EFNA3: variants seen among roughly 807,000 people sequenced by gnomAD.
EFNA3 encodes the protein ephrin-A3.
In EFNA3, 15 loss-of-function variants were observed where a neutral mutation model predicts 25.0. The ratio of observed to expected loss-of-function variants is 0.60; its 90% CI spans 0.40 to 0.92. The LOEUF (loss-of-function observed/expected upper bound fraction) is 0.92, where lower values mean the gene tolerates loss of function less well. EFNA3 is among the 40% of genes least tolerant of loss of function. The pLI is 0.00. For missense variants in EFNA3, 298 were observed against 323.8 expected (o/e 0.92, Z 0.61); for synonymous variants, 153 against 145.6 (o/e 1.05, Z -0.37).
Position 155,081,501 on chromosome 1 carries a change from A to G in EFNA3, c.128+2432A>G, listed in dbSNP as rs4845707. ...TTTCTATATAGCTGTCTCTCGACCT[A>G]TCTCTGAAATGCTTCTGTTGCTGAT... On this transcript the variant is annotated intron_variant, in intron 1 of 4. Coordinates refer to ENST00000368408, the MANE Select transcript of EFNA3 (RefSeq NM_004952.5). This position sits in a 1 kb window ranked among gnomAD's most constrained non-coding sequence, Gnocchi z 5.2. Among the ~76,000 whole-genome samples the G allele has an allele frequency of 0.027, 4,138 of 152,304 alleles. 399 individuals are homozygous for G. The highest frequency in any genetic ancestry group is 0.27 in the East Asian group (1,398 of 5,172).
Position 155,085,032 on chromosome 1 carries a change from A to C in EFNA3, c.129-59A>C, listed in dbSNP as rs1663423818. 6.3e-7 allele frequency: 1 copy of C among 1,578,562 alleles called. No homozygotes were observed. The highest frequency in any genetic ancestry group is 1.8e-5 in the Admixed American group (1 of 54,568). On this transcript the variant is annotated intron_variant, in intron 1 of 4. Coordinates refer to ENST00000368408, the MANE Select transcript of EFNA3 (RefSeq NM_004952.5). The surrounding 1 kb of genome is among the most constrained non-coding windows in gnomAD (Gnocchi z 4.4). The stretch of plus-strand genomic sequence containing the variant: ...TGGGGAGGGGCTGCGGAGCGGTCAG[A>C]TGGAAAGCGGCTTTGCTCTGGGGTT...
At position 155,086,911 on chromosome 1, in the gene EFNA3, C is replaced by T; in HGVS notation, c.*368C>T. On this transcript the variant is annotated 3_prime_UTR_variant, in exon 5 of 5. Transcript: ENST00000368408. ...ACATATGCCCCCAGAGAGAGCAAATCGAAGCGTGGGAGGCACCCCCATTGC... is the reference window on the plus strand; with the variant it reads ...ACATATGCCCCCAGAGAGAGCAAATTGAAGCGTGGGAGGCACCCCCATTGC... 5.2e-6 allele frequency: 1 copy of T among 191,414 alleles called. No individual in the cohort carries two copies. Among genetic ancestry groups the T allele is most frequent in the South Asian group, 9.4e-5 (1 of 10,648 alleles). The allele number at this position is 191,414 out of a possible 1,614,324, so 11.9% of individuals were successfully genotyped here.
rs1433129921 is a variant in EFNA3 at position 155,081,929 on chromosome 1, T to TCGCCGC, written c.128+2873_128+2878dup. The stretch of plus-strand genomic sequence containing the variant: ...TCCGCCGCTGCAGATCAATAAACCT[T>TCGCCGC]CGCCGCCGCCGCCGCCGCTGTCGCA... On this transcript the variant is annotated intron_variant, in intron 1 of 4. Transcript: ENST00000368408. The surrounding 1 kb of genome is among the most constrained non-coding windows in gnomAD (Gnocchi z 5.2). Among the ~76,000 whole-genome samples, 4 of 152,060 alleles carry TCGCCGC rather than the reference T, an allele frequency of 2.6e-5. No individual in the cohort carries two copies. Among genetic ancestry groups the TCGCCGC allele is most frequent in the African/African-American group, 7.2e-5 (3 of 41,426 alleles).
At chr1:155,082,742 C>G (rs557817242) in intron 1 of EFNA3, among the ~76,000 whole-genome samples, 8 of 151,138 alleles carry the variant, frequency 5.3e-5, no homozygotes, top group Admixed American at 5.3e-4. Context: ...CCCCACCCTT[C>G]CGCAGGAGGC....
chr1:155,080,538 GC>G lies in EFNA3; in HGVS notation c.128+1475del, dbSNP rs1433060163. On this transcript the variant is annotated intron_variant, in intron 1 of 4. Coordinates refer to ENST00000368408, the MANE Select transcript of EFNA3 (RefSeq NM_004952.5). The surrounding 1 kb of genome is among the most constrained non-coding windows in gnomAD (Gnocchi z 7.0). Reference sequence around the variant, plus strand: ...CCCCCTCCCCCAGACTCACACGTCCGCCCCCCACCCCGCTAGAGTCTGGCGG... The same window carrying G: ...CCCCCTCCCCCAGACTCACACGTCCGCCCCCACCCCGCTAGAGTCTGGCGG... Among the ~76,000 whole-genome samples the G allele has an allele frequency of 6.6e-6, 1 of 152,100 alleles. No homozygotes were observed. The highest frequency in any genetic ancestry group is 2.4e-5 in the African/African-American group (1 of 41,446).
chr1:155,086,560 G>GC lies in EFNA3; in HGVS notation c.*17_*18insC, dbSNP rs769269146. The GC allele has an allele frequency of 1.9e-6, 3 of 1,559,704 alleles. No individual in the cohort carries two copies. Among genetic ancestry groups the GC allele is most frequent in the Admixed American group, 1.8e-5 (1 of 56,730 alleles). ...GCCTCCTAGCTCTGCCCCCTCCCCT[G>GC]GGGGGGGAGAGATGGGGCGGGGCTT... On this transcript the variant is annotated 3_prime_UTR_variant, in exon 5 of 5. Transcript: ENST00000368408.
chr1:155,079,161 A>G lies in EFNA3; in HGVS notation c.128+92A>G. ...AAGTCCTGGGGGATCCCGGGGTGGG[A>G]GTCCTGGGAGACCAGAGCTGGGGGC... On this transcript the variant is annotated intron_variant, in intron 1 of 4. Transcript: ENST00000368408. The surrounding 1 kb of genome is among the most constrained non-coding windows in gnomAD (Gnocchi z 7.7). The G allele has an allele frequency of 1.7e-6, 2 of 1,152,324 alleles. No homozygotes were observed. Among genetic ancestry groups the G allele is most frequent in the Non-Finnish European group, 2.2e-6 (2 of 916,226 alleles). 71.4% of individuals were successfully genotyped at this position (1,152,324 alleles called of 1,614,324 possible).
Position 155,081,755 on chromosome 1 carries a change from C to A in EFNA3, c.128+2686C>A, listed in dbSNP as rs1663346237. The stretch of plus-strand genomic sequence containing the variant: ...CTCTCGGTTCTCGTTCTCTTCCCTG[C>A]CTCTCTCGGTTTCTGCGTCTCTCTC... On this transcript the variant is annotated intron_variant, in intron 1 of 4. Coordinates refer to ENST00000368408, the MANE Select transcript of EFNA3 (RefSeq NM_004952.5). The surrounding 1 kb of genome is among the most constrained non-coding windows in gnomAD (Gnocchi z 5.2). Among the ~76,000 whole-genome samples the A allele has an allele frequency of 6.6e-6, 1 of 152,188 alleles. No homozygotes were observed. The highest frequency in any genetic ancestry group is 2.1e-4 in the South Asian group (1 of 4,826).
intron 1 of EFNA3, among the ~76,000 whole-genome samples, chr1:155,082,936 G>A (rs1391612010): frequency 6.6e-6 from 1 of 152,190 alleles, no homozygotes; most frequent in Non-Finnish European, 1.5e-5. Context: ...GTTTGTCCCC[G>A]TGCCCTCTGT....
intron 1 of EFNA3, among the ~76,000 whole-genome samples, chr1:155,083,675 G>A (rs2102452751): frequency 6.6e-6 from 1 of 152,276 alleles, no homozygotes; most frequent in East Asian, 1.9e-4. Context: ...AGGGGGGAGG[G>A]ACCCCCAAGG....
chr1:155,079,191 AG>A lies in EFNA3; in HGVS notation c.128+126del. 1.2e-6 allele frequency: 1 copy of A among 845,980 alleles called. No individual in the cohort carries two copies. The highest frequency in any genetic ancestry group is 1.5e-6 in the Non-Finnish European group (1 of 659,650). 52.4% of individuals were successfully genotyped at this position (845,980 alleles called of 1,614,324 possible). A position where few individuals can be genotyped will look rare whatever the true frequency, so the allele number is the denominator to read the frequency against. On this transcript the variant is annotated intron_variant, in intron 1 of 4. Transcript: ENST00000368408. This position sits in a 1 kb window ranked among gnomAD's most constrained non-coding sequence, Gnocchi z 7.7. ...TGGGAGACCAGAGCTGGGGGCTGGG[AG>A]GGGACGGAGAGGGGGACGCACTCTG...
Position 155,078,970 on chromosome 1 carries a change from T to C in EFNA3, c.29T>C (p.Leu10Pro). The change falls in exon 1 of 5, where the codon CTG becomes CCG. Residue 10 changes from leucine (L) to proline (P), a missense_variant. Physicochemically the swap from Leu to Pro is moderately conservative, Grantham distance 98. Transcript: ENST00000368408. MAAAPLLLL[L>P]LLVPVPLLPL... Reference sequence around the variant, plus strand: ...GCGGCGGCTCCGCTGCTGCTGCTGCTGCTGCTCGTGCCCGTGCCGCTGCTG... The same window carrying C: ...GCGGCGGCTCCGCTGCTGCTGCTGCCGCTGCTCGTGCCCGTGCCGCTGCTG... The C allele has an allele frequency of 7.0e-7, 1 of 1,433,214 alleles. No individual in the cohort carries two copies. The highest frequency in any genetic ancestry group is 9.2e-7 in the Non-Finnish European group (1 of 1,092,058). 88.8% of individuals were successfully genotyped at this position (1,433,214 alleles called of 1,614,324 possible).
chr1:155,086,481 CG>C lies in EFNA3; in HGVS notation c.658del (p.Glu220AsnfsTer14). Reference protein sequence around the residue: ...EKSISGTSPKREHLPLAVGIA... With the variant: ...EKSISGTSPKXEHLPLAVGIA... ...GAGCATCAGCGGGACCAGCCCCAAA[CG>C]GGAACACCTGCCCCTGGCCGTGGGC... On this transcript the variant is annotated frameshift_variant, in exon 5 of 5. Coordinates refer to ENST00000368408, the MANE Select transcript of EFNA3 (RefSeq NM_004952.5). LOFTEE classifies it high-confidence loss of function. 6.2e-7 allele frequency: 1 copy of C among 1,614,108 alleles called. No homozygotes were observed. The highest frequency in any genetic ancestry group is 8.5e-7 in the Non-Finnish European group (1 of 1,179,984).
rs1157468347 is a variant in EFNA3, at chr1:155,081,222, C to T, written c.128+2153C>T. Among the ~76,000 whole-genome samples the T allele has an allele frequency of 1.3e-5, 2 of 152,246 alleles. No individual in the cohort carries two copies. Among genetic ancestry groups the T allele is most frequent in the Non-Finnish European group, 2.9e-5 (2 of 68,040 alleles). On this transcript the variant is annotated intron_variant, in intron 1 of 4. Transcript: ENST00000368408. The surrounding 1 kb of genome is among the most constrained non-coding windows in gnomAD (Gnocchi z 5.2). ...CTAGCCCTCTGCCCCCCACTCAGTA[C>T]TTCCATTTAGTCCCGTGGAACAGGA...
In EFNA3 at chr1:155,079,079, G is replaced by C; in HGVS notation, c.128+10G>C. On this transcript the variant is annotated intron_variant, in intron 1 of 4. Coordinates refer to ENST00000368408, the MANE Select transcript of EFNA3 (RefSeq NM_004952.5). This position sits in a 1 kb window ranked among gnomAD's most constrained non-coding sequence, Gnocchi z 7.7. ...ACAGCTCCAACCAGCAGTGAGTCGG[G>C]GACCCTGGGAGTCCGCGCGTCCCGT... 1 of 1,321,724 alleles carries C rather than the reference G, an allele frequency of 7.6e-7. No homozygotes were observed. The highest frequency in any genetic ancestry group is 3.1e-5 in the East Asian group (1 of 32,028). The allele number at this position is 1,321,724 out of a possible 1,614,324, so 81.9% of individuals were successfully genotyped here.
rs1212683038 is a variant in EFNA3 at position 155,079,239 on chromosome 1, G to T, written c.128+170G>T. ...TCTGTGGGCGTCTAGGAAACTCGGGGGTGTCTGAAGAGGCTGTTGGGCTAT... is the reference window on the plus strand; with the variant it reads ...TCTGTGGGCGTCTAGGAAACTCGGGTGTGTCTGAAGAGGCTGTTGGGCTAT... On this transcript the variant is annotated intron_variant, in intron 1 of 4. Transcript: ENST00000368408. The surrounding 1 kb of genome is among the most constrained non-coding windows in gnomAD (Gnocchi z 7.7). Among the ~76,000 whole-genome samples the T allele has an allele frequency of 6.6e-6, 1 of 152,144 alleles. No homozygotes were observed. Among genetic ancestry groups the T allele is most frequent in the Non-Finnish European group, 1.5e-5 (1 of 68,018 alleles).
rs1331888967 is a variant in EFNA3 at position 155,079,650 on chromosome 1, G to A, written c.128+581G>A. On this transcript the variant is annotated intron_variant, in intron 1 of 4. Transcript: ENST00000368408. This position sits in a 1 kb window ranked among gnomAD's most constrained non-coding sequence, Gnocchi z 7.7. ...TGGGGGGCCCTGGGAATGCTGCTTG[G>A]TTAGGATGGGAACGTGGGGTACCGG... Among the ~76,000 whole-genome samples, 1 of 152,176 alleles carries A rather than the reference G, an allele frequency of 6.6e-6. No homozygotes were observed. Among genetic ancestry groups the A allele is most frequent in the Non-Finnish European group, 1.5e-5 (1 of 68,020 alleles).
intron 1 of EFNA3, among the ~76,000 whole-genome samples, chr1:155,082,528 G>A (rs1390735372): frequency 1.3e-5 from 2 of 152,174 alleles, no homozygotes; most frequent in Non-Finnish European, 2.9e-5. Flanking sequence ...GAAAGCGAGA[G>A]AGAGGTGTCG....
Position 155,085,226 on chromosome 1 carries a change from G to C in EFNA3, c.264G>C (p.Leu88=), listed in dbSNP as rs1436273351. The C allele has an allele frequency of 6.2e-7, 1 of 1,613,156 alleles. No homozygotes were observed. Among genetic ancestry groups the C allele is most frequent in the Non-Finnish European group, 8.5e-7 (1 of 1,179,822 alleles). Reference sequence around the variant, plus strand: ...GAGGCGGGGCAGAGCAGTACGTGCTGTACATGGTGAGCCGCAACGGCTACC... The same window carrying C: ...GAGGCGGGGCAGAGCAGTACGTGCTCTACATGGTGAGCCGCAACGGCTACC... The part of the protein sequence containing the change: ...GPGGGAEQYV[L]YMVSRNGYRT... The change falls in exon 2 of 5, where the codon CTG becomes CTC. Residue 88 remains leucine, a synonymous_variant. Coordinates refer to ENST00000368408, the MANE Select transcript of EFNA3 (RefSeq NM_004952.5). This position sits in a 1 kb window ranked among gnomAD's most constrained non-coding sequence, Gnocchi z 4.4.
Sources: allele counts gnomAD v4.1 joint callset (sites outside exome capture counted in the v4.1 genomes callset), GRCh38; gene constraint gnomAD v4.1.1; non-coding constraint Gnocchi (gnomAD v3.1); transcripts MANE v1.5; gene names NCBI Gene and HGNC (gene_info 2026-07-23, HGNC 2026-07-21).